Variants in GLIS1 observed in about 807,000 individuals in gnomAD.
GLIS1 encodes GLIS family zinc finger 1, also known as zinc finger protein GLIS1.
In GLIS1, 24 loss-of-function variants were observed where a neutral mutation model predicts 63.8. The observed-to-expected ratio is 0.38, with a 90% CI of 0.27 to 0.53. GLIS1 has a LOEUF of 0.53. GLIS1 is among the 20% of genes least tolerant of loss of function. The probability of loss-of-function intolerance (pLI) is 0.85; values close to 1 mark genes in which losing one functional copy is unlikely to be tolerated. For missense variants in GLIS1, 1,036 were observed against 1,074.1 expected (o/e 0.96, Z 0.50); for synonymous variants, 450 against 482.5 (o/e 0.93, Z 0.88).
At chr1:53,723,732 A>G (rs1370670882) in intron 2 of GLIS1, among the ~76,000 whole-genome samples, 2 of 152,178 alleles carry the variant, frequency 1.3e-5, no homozygotes, top group African/African-American at 4.8e-5. Context: ...CTTCTACAGT[A>G]AGTATATAGT....
At chr1:53,686,129 A>G (rs1646334672) in intron 2 of GLIS1, among the ~76,000 whole-genome samples, 1 of 152,050 alleles carries the variant, frequency 6.6e-6, no homozygotes, top group Non-Finnish European at 1.5e-5. Flanking sequence ...CCAGACTGCA[A>G]AGCCCCTTTA....
At chr1:53,701,031 T>C (rs1386909716) in intron 2 of GLIS1, among the ~76,000 whole-genome samples, 1 of 152,226 alleles carries the variant, frequency 6.6e-6, no homozygotes, top group Non-Finnish European at 1.5e-5. Flanking sequence ...CTGATAGATA[T>C]TTAGGGTTGT....
chr1:53,619,648 ACAGTCCTCAGCC>A (rs1479578925), intron 2 of GLIS1, among the ~76,000 whole-genome samples: 1 of 152,246 alleles, frequency 6.6e-6, no homozygotes, highest in African/African-American at 2.4e-5. Context: ...ATTCCAGACT[ACAGTCCTCAGCC>A]CAGGGCTCCA....
intron 2 of GLIS1, among the ~76,000 whole-genome samples, chr1:53,602,624 C>T (rs1372876259): frequency 6.6e-6 from 1 of 152,190 alleles, no homozygotes; most frequent in Non-Finnish European, 1.5e-5. Flanking sequence ...CTCATCAAGA[C>T]CTTCAAGGGT....
intron 4 of GLIS1, among the ~76,000 whole-genome samples, chr1:53,592,194 C>T (rs1444529894): frequency 1.3e-5 from 2 of 152,178 alleles, no homozygotes; most frequent in African/African-American, 4.8e-5. Context: ...ACCCAGGCCC[C>T]TCTGACCCCT....
intron 2 of GLIS1, among the ~76,000 whole-genome samples, chr1:53,659,101 G>A (rs1025815212): frequency 6.6e-6 from 1 of 152,190 alleles, no homozygotes; most frequent in African/African-American, 2.4e-5. Context: ...GGGCCTCAGA[G>A]GGTGCTGGGG....
At chr1:53,681,299 C>A (rs927275351) in intron 2 of GLIS1, among the ~76,000 whole-genome samples, 4 of 152,250 alleles carry the variant, frequency 2.6e-5, no homozygotes, top group African/African-American at 9.6e-5. Context: ...GGGCTGCAGC[C>A]TGAGGTGGGC....
chr1:53,600,360 G>C, intron 2 of GLIS1, 82 bp from the exon 3 acceptor site: 1 of 891,802 alleles, frequency 1.1e-6, no homozygotes, highest in Admixed American at 4.3e-5. Flanking sequence ...GCAGTCCCTG[G>C]GGTACAGCAA....
At chr1:53,653,193 G>A (rs948401568) in intron 2 of GLIS1, among the ~76,000 whole-genome samples, 2 of 152,234 alleles carry the variant, frequency 1.3e-5, no homozygotes, top group Non-Finnish European at 2.9e-5. Flanking sequence ...AAAGTGGCTG[G>A]GGATATTGCT....
At chr1:53,663,995 C>T (rs114991536) in intron 2 of GLIS1, among the ~76,000 whole-genome samples, 2,686 of 152,318 alleles carry the variant, frequency 0.018, 48 homozygotes, top group Non-Finnish European at 0.028. Context: ...CTCCTGACTG[C>T]TCTTGCCCAA....
At chr1:53,737,165 C>A (rs1646920258) in intron 2 of GLIS1, among the ~76,000 whole-genome samples, 1 of 152,200 alleles carries the variant, frequency 6.6e-6, no homozygotes. Flanking sequence ...TACTGGGACC[C>A]CCACCTTCCC....
intron 2 of GLIS1, among the ~76,000 whole-genome samples, chr1:53,735,228 G>A (rs1453387775): frequency 3.3e-5 from 5 of 152,176 alleles, no homozygotes; most frequent in African/African-American, 1.2e-4. Context: ...ACCACAGTTA[G>A]CACCCTTCAC....
chr1:53,645,934 C>G (rs1047164985), intron 2 of GLIS1, among the ~76,000 whole-genome samples: 29 of 152,200 alleles, frequency 1.9e-4, no homozygotes, highest in African/African-American at 7.0e-4. Context: ...CCATGCCTGA[C>G]CCTGCACTAG....
chr1:53,700,047 G>A (rs1350216230), intron 2 of GLIS1, among the ~76,000 whole-genome samples: 1 of 152,202 alleles, frequency 6.6e-6, no homozygotes, highest in Non-Finnish European at 1.5e-5. Flanking sequence ...AGGCTTCCCT[G>A]ACCCAAAGCC....
chr1:53,529,666 T>C, intron 5 of GLIS1, 125 bp downstream of exon 5: 1 of 996,768 alleles, frequency 1.0e-6, no homozygotes, highest in South Asian at 1.5e-5. Context: ...CCCACTGCCC[T>C]GCCAAGCATC....
At chr1:53,658,034 A>ACC (rs1449288281) in intron 2 of GLIS1, among the ~76,000 whole-genome samples, 1 of 151,354 alleles carries the variant, frequency 6.6e-6, no homozygotes, top group Admixed American at 6.6e-5. Context: ...GGTCTTGATC[A>ACC]CCCCTCCAGC....
Position 53,561,000 on chromosome 1 carries a change from C to A in GLIS1, c.1321-31048G>T, listed in dbSNP as rs1028386154. ...GGATCTCCAATGTGCGCTCCGGGAC[C>A]AAGCCCCTACTGTGTGCCCCCAGGA... On this transcript the variant is annotated intron_variant, in intron 4 of 10. Coordinates refer to ENST00000628545, the MANE Select transcript of GLIS1 (RefSeq NM_001367484.1). This position sits in a 1 kb window ranked among gnomAD's most constrained non-coding sequence, Gnocchi z 4.4. Among the ~76,000 whole-genome samples, 1 of 152,162 alleles carries A rather than the reference C, an allele frequency of 6.6e-6. No individual in the cohort carries two copies. The highest frequency in any genetic ancestry group is 1.5e-5 in the Non-Finnish European group (1 of 68,028).
At chr1:53,695,193 T>C (rs1350772378) in intron 2 of GLIS1, among the ~76,000 whole-genome samples, 1 of 152,246 alleles carries the variant, frequency 6.6e-6, no homozygotes, top group Non-Finnish European at 1.5e-5. Context: ...TCAGCTGCTC[T>C]GGACTGTGCG....
chr1:53,533,253 A>G (rs1220233039), intron 4 of GLIS1, among the ~76,000 whole-genome samples: 1 of 152,180 alleles, frequency 6.6e-6, no homozygotes. Context: ...CTGCACAGCC[A>G]TGGCCTTCTC....
Sources: gnomAD v4.1 joint callset for allele counts (sites outside exome capture counted in the v4.1 genomes callset) on GRCh38, gnomAD v4.1.1 for gene constraint, Gnocchi (gnomAD v3.1) non-coding constraint, MANE v1.5 for transcripts, NCBI Gene and HGNC (gene_info 2026-07-23, HGNC 2026-07-21) for gene names.